The following EPHA5 variants were observed in gnomAD, a reference collection of about 807,000 sequenced individuals.
EPHA5 encodes the protein ephrin type-A receptor 5.
In EPHA5, 60 loss-of-function variants were observed where a neutral mutation model predicts 105.0. The ratio of observed to expected loss-of-function variants is 0.57; its 90% CI spans 0.46 to 0.71. The LOEUF (loss-of-function observed/expected upper bound fraction) is 0.71, where lower values mean the gene tolerates loss of function less well. EPHA5 is among the 30% of genes least tolerant of loss of function. EPHA5 has a pLI of 0.00. For missense variants in EPHA5, 1,218 were observed against 1,274.7 expected, an observed-to-expected ratio of 0.96 and a Z score of 0.68; for synonymous variants, 513 against 449.1, an observed-to-expected ratio of 1.14 and a Z score of -1.80.
intron 16 of EPHA5, chr4:65,331,473 G>GT (rs1347446006): frequency 9.5e-7 from 1 of 1,049,542 alleles, no homozygotes; most frequent in African/African-American, 1.7e-5. Context: ...TTGAAAGAAT[G>GT]TAAGGTGCAC....
intron 3 of EPHA5, among the ~76,000 whole-genome samples, chr4:65,516,571 C>T (rs191837168): frequency 9.2e-5 from 14 of 151,792 alleles, no homozygotes; most frequent in South Asian, 6.2e-4. Flanking sequence ...TGTGGGCATG[C>T]GCGCGTGCAT....
chr4:65,371,351 C>T (rs1417007746), intron 8 of EPHA5, among the ~76,000 whole-genome samples: 1 of 151,942 alleles, frequency 6.6e-6, no homozygotes, highest in Non-Finnish European at 1.5e-5. Flanking sequence ...GAGAGAGATG[C>T]TAGATATATA....
In EPHA5 at chr4:65,490,427, C is replaced by T. The variant is rs1227900265; in HGVS notation, c.1352G>A (p.Ser451Asn). The T allele has an allele frequency of 4.3e-6, 7 of 1,614,100 alleles. No individual in the cohort carries two copies. Among genetic ancestry groups the T allele is most frequent in the Non-Finnish European group, 5.9e-6 (7 of 1,180,012 alleles). The part of the protein sequence containing the change: ...IEAVNGVSDL[S>N]PGARQYVSVN... ...AGACACATACTGCCGGGCTCCTGGG[C>T]TCAAGTCGGACACTCCATTCACTGC... is the stretch of plus-strand genomic sequence containing the variant. The change falls in exon 5 of 17, where the codon AGC becomes AAC. Residue 451 changes from serine (S) to asparagine (N), a missense_variant. Coordinates refer to ENST00000613740, the MANE Select transcript of EPHA5 (RefSeq NM_001281766.3).
chr4:65,480,505 C>T (rs1003369788), intron 5 of EPHA5, among the ~76,000 whole-genome samples: 1 of 152,178 alleles, frequency 6.6e-6, no homozygotes, highest in Non-Finnish European at 1.5e-5. Flanking sequence ...ACGAAGTTCT[C>T]GTTTTTGGCT....
At chr4:65,371,415 C>T (rs552877994) in intron 8 of EPHA5, among the ~76,000 whole-genome samples, 13 of 152,052 alleles carry the variant, frequency 8.5e-5, no homozygotes, top group African/African-American at 2.7e-4. Flanking sequence ...TTCTCCCATG[C>T]TTTTTCTAAG....
intron 3 of EPHA5, among the ~76,000 whole-genome samples, chr4:65,524,983 G>C (rs1002511680): frequency 9.9e-5 from 15 of 151,614 alleles, no homozygotes; most frequent in African/African-American, 3.4e-4. Flanking sequence ...ACATCTTTTT[G>C]TGAGTCAGTG....
In EPHA5 at chr4:65,348,815, A is replaced by ATATTTTTTTT. The variant is rs71657404; in HGVS notation, c.2446-613_2446-612insAAAAAAAATA. On this transcript the variant is annotated intron_variant, in intron 13 of 16. Transcript: ENST00000613740. Reference sequence around the variant, plus strand: ...TGTGTATATATATATATATATATATATTTTTTTTTTTTTTTTTTGAGACAG... The same window carrying ATATTTTTTTT: ...TGTGTATATATATATATATATATATATATTTTTTTTTTTTTTTTTTTTTTTTTTGAGACAG... Among the ~76,000 whole-genome samples, 9 of 64,120 alleles carry ATATTTTTTTT rather than the reference A, an allele frequency of 1.4e-4. 1 individual carries two copies. The highest frequency in any genetic ancestry group is 3.0e-4 in the Admixed American group (1 of 3,384). The allele number at this position is 64,120 out of a possible 152,430, so 42.1% of individuals were successfully genotyped here.
intron 2 of EPHA5, among the ~76,000 whole-genome samples, chr4:65,640,995 A>T (rs1034415252): frequency 2.0e-5 from 3 of 152,164 alleles, no homozygotes; most frequent in South Asian, 2.1e-4. Flanking sequence ...AAAATCAGAC[A>T]ATTGCCTCTC....
intron 3 of EPHA5, among the ~76,000 whole-genome samples, chr4:65,527,601 T>C (rs776603930): frequency 3.3e-5 from 5 of 152,116 alleles, no homozygotes; most frequent in Admixed American, 6.6e-5. Flanking sequence ...CACTAACTCC[T>C]ATGATTTGGT....
At chr4:65,558,327 A>T (rs1007416057) in intron 3 of EPHA5, among the ~76,000 whole-genome samples, 4 of 152,272 alleles carry the variant, frequency 2.6e-5, no homozygotes, top group Non-Finnish European at 4.4e-5. Context: ...AATTTTTCAC[A>T]CTTCATTCAT....
chr4:65,392,066 T>C (rs1720769243), intron 8 of EPHA5, among the ~76,000 whole-genome samples: 1 of 152,178 alleles, frequency 6.6e-6, no homozygotes, highest in African/African-American at 2.4e-5. Flanking sequence ...TTCAGTTTCC[T>C]AGGACGGTTT....
intron 2 of EPHA5, among the ~76,000 whole-genome samples, chr4:65,602,833 C>A (rs1743871630): frequency 6.6e-6 from 1 of 151,836 alleles, no homozygotes; most frequent in African/African-American, 2.4e-5. Context: ...AATAACACAC[C>A]AATGGAATAA....
At chr4:65,413,242 A>G (rs12506507) in intron 7 of EPHA5, among the ~76,000 whole-genome samples, 15,615 of 152,102 alleles carry the variant, frequency 0.1, 957 homozygotes, top group East Asian at 0.14. Flanking sequence ...TCACTCATGG[A>G]TTTTCCTTTG....
At chr4:65,402,551 A>T (rs924199674) in intron 8 of EPHA5, among the ~76,000 whole-genome samples, 2 of 152,320 alleles carry the variant, frequency 1.3e-5, no homozygotes, top group African/African-American at 4.8e-5. Flanking sequence ...ATTTTCAAAA[A>T]CACAGATTTA....
intron 4 of EPHA5, among the ~76,000 whole-genome samples, 166 bp downstream of exon 4, chr4:65,495,222 C>G (rs1731803569): frequency 6.6e-6 from 1 of 152,038 alleles, no homozygotes; most frequent in African/African-American, 2.4e-5. Flanking sequence ...TCAAATTTTT[C>G]AGTGCTTATT....
intron 11 of EPHA5, among the ~76,000 whole-genome samples, chr4:65,363,570 T>C (rs1717550853): frequency 6.6e-6 from 1 of 151,444 alleles, no homozygotes; most frequent in Non-Finnish European, 1.5e-5. Flanking sequence ...CGGGATGTCA[T>C]AGTGAGAGTT....
Position 65,320,047 on chromosome 4 carries a change from T to A in EPHA5, c.*4067A>T. ...GATTCTGATTATTATAAACAGACTT[T>A]TTTTCTTTTAAAAGAATTGGTATCT... On this transcript the variant is annotated 3_prime_UTR_variant, in exon 17 of 17. Transcript: ENST00000613740. The A allele has an allele frequency of 1.3e-5, 3 of 230,272 alleles. No homozygotes were observed. The highest frequency in any genetic ancestry group is 2.6e-5 in the Non-Finnish European group (3 of 116,132). 14.3% of individuals were successfully genotyped at this position (230,272 alleles called of 1,614,324 possible). A position where few individuals can be genotyped will look rare whatever the true frequency, so the allele number is the denominator to read the frequency against.
At chr4:65,562,424 C>T (rs1387289263) in intron 3 of EPHA5, among the ~76,000 whole-genome samples, 2 of 151,818 alleles carry the variant, frequency 1.3e-5, no homozygotes, top group African/African-American at 2.4e-5. Context: ...TAAGCTTAAA[C>T]CCCCTCATGT....
At chr4:65,513,311 C>A (rs1330493329) in intron 3 of EPHA5, among the ~76,000 whole-genome samples, 3 of 152,074 alleles carry the variant, frequency 2.0e-5, no homozygotes, top group African/African-American at 7.2e-5. Context: ...GTGTTTAAAG[C>A]TGAAAATTAT....
Sources: gnomAD v4.1 joint callset for allele counts (sites outside exome capture counted in the v4.1 genomes callset) on GRCh38, gnomAD v4.1.1 for gene constraint, MANE v1.5 for transcripts, NCBI Gene and HGNC (gene_info 2026-07-23, HGNC 2026-07-21) for gene names.